JOSD2: variants seen among roughly 807,000 people sequenced by gnomAD.
The protein encoded by JOSD2 is Josephin domain containing 2.
Under a neutral mutation model 19.3 loss-of-function variants are expected in JOSD2, and 20 were observed. The observed-to-expected ratio is 1.04, with a 90% CI of 0.73 to 1.51. The LOEUF is 1.51. JOSD2 is among the 40% of genes most tolerant of loss of function. The pLI is 0.00. For missense variants in JOSD2, 215 were observed against 250.4 expected, an observed-to-expected ratio of 0.86 and a Z score of 0.95; for synonymous variants, 118 against 123.7, an observed-to-expected ratio of 0.95 and a Z score of 0.31.
At chr19:50,506,945 GCCTC>G (rs1354919568) in intron 3 of JOSD2, among the ~76,000 whole-genome samples, 1 of 150,514 alleles carries the variant, frequency 6.6e-6, no homozygotes, top group East Asian at 1.9e-4. Flanking sequence ...ACCCCACTGA[GCCTC>G]CCAGCCACCA....
rs751528072 is a variant in JOSD2 at position 50,507,576 on chromosome 19, C to T, written c.270G>A (p.Arg90=). 1.2e-6 allele frequency: 2 copies of T among 1,604,134 alleles called. No individual in the cohort carries two copies. Among genetic ancestry groups the T allele is most frequent in the Admixed American group, 3.3e-5 (2 of 59,908 alleles). The part of the protein sequence containing the change: ...LGLAAVWWDR[R]RPLSQLALPQ... ...TGCTGTGCTGCTCTGGGGCCTACCTCCTCCTGTCCCACCACACGGCGGCCA... is the reference window on the plus strand; with the variant it reads ...TGCTGTGCTGCTCTGGGGCCTACCTTCTCCTGTCCCACCACACGGCGGCCA... The change falls in exon 3 of 5, where the codon AGG becomes AGA. Residue 90 remains arginine, a splice_region_variant and synonymous_variant. Transcript: ENST00000598418.
At position 50,506,105 on chromosome 19, in the gene JOSD2, C is replaced by T. The variant is rs1456333456; in HGVS notation, c.*68G>A. 2.7e-6 allele frequency: 4 copies of T among 1,484,296 alleles called. No individual in the cohort carries two copies. The African/African-American group carries it at 5.5e-5, about 20-fold the overall frequency. 91.9% of individuals were successfully genotyped at this position (1,484,296 alleles called of 1,614,324 possible). On this transcript the variant is annotated 3_prime_UTR_variant, in exon 5 of 5. Transcript: ENST00000598418. ...CCATGAAGTGCTGGCCTTTCCCAGGCATGCAGTGTGCGCAGCCGGAGGGGG... is the reference window on the plus strand; with the variant it reads ...CCATGAAGTGCTGGCCTTTCCCAGGTATGCAGTGTGCGCAGCCGGAGGGGG...
In JOSD2 at chr19:50,506,410, C is replaced by T. The variant is rs763903436; in HGVS notation, c.435G>A (p.Ala145=). The T allele has an allele frequency of 1.6e-5, 26 of 1,605,446 alleles. No homozygotes were observed. Among genetic ancestry groups the T allele is most frequent in the African/African-American group, 1.5e-4 (11 of 74,790 alleles). Residue 145 remains alanine, a synonymous_variant, in exon 4 of 5, where the codon GCG becomes GCA. Transcript: ENST00000598418. ...VYYNLDSKLR[A]PEALGDEDGV... Reference sequence around the variant, plus strand: ...CGTCCTCATCCCCCAGGGCCTCGGGCGCCCGCAGCTTGGAGTCCAGGTTGT... The same window carrying T: ...CGTCCTCATCCCCCAGGGCCTCGGGTGCCCGCAGCTTGGAGTCCAGGTTGT...
intron 2 of JOSD2, among the ~76,000 whole-genome samples, chr19:50,508,771 G>A (rs1273854876): frequency 1.3e-5 from 2 of 151,832 alleles, no homozygotes; most frequent in African/African-American, 2.4e-5. Context: ...TGGCACTTGT[G>A]TCTGAGTCAT....
At chr19:50,507,195 C>T (rs1979421164) in intron 3 of JOSD2, among the ~76,000 whole-genome samples, 1 of 147,764 alleles carries the variant, frequency 6.8e-6, no homozygotes, top group African/African-American at 2.5e-5. Context: ...TCACTCTTGA[C>T]CCCCCTGCCA....
chr19:50,509,647 G>C (rs1979613971), intron 2 of JOSD2, among the ~76,000 whole-genome samples: 1 of 152,112 alleles, frequency 6.6e-6, no homozygotes, highest in Non-Finnish European at 1.5e-5. Context: ...ACAGGGCCCA[G>C]ATAAGAGATG....
chr19:50,506,363 C>T lies in JOSD2; in HGVS notation c.467+15G>A, dbSNP rs993074592. On this transcript the variant is annotated intron_variant, in intron 4 of 4. Coordinates refer to ENST00000598418, the MANE Select transcript of JOSD2 (RefSeq NM_001270639.2). ...TTCAGGCCCCTGGTCTTGGAATCGC[C>T]TCTGTGGGGCTCACCTGACTCCGTC... is the stretch of plus-strand genomic sequence containing the variant. The T allele has an allele frequency of 6.2e-7, 1 of 1,604,456 alleles. No homozygotes were observed.
At chr19:50,506,796 ACCGT>A (rs1979385434) in intron 3 of JOSD2, among the ~76,000 whole-genome samples, 1 of 19,996 alleles carries the variant, frequency 5.0e-5, no homozygotes, top group Non-Finnish European at 1.1e-4. Context: ...CCACCCACCC[ACCGT>A]CCACCCACCC....
At chr19:50,509,102 G>C (rs1289304495) in intron 2 of JOSD2, among the ~76,000 whole-genome samples, 1 of 93,190 alleles carries the variant, frequency 1.1e-5, no homozygotes, top group African/African-American at 6.3e-5. Context: ...GTAAAGGAGT[G>C]ATTTTTTTTT....
intron 2 of JOSD2, among the ~76,000 whole-genome samples, chr19:50,509,385 G>A (rs771147392): frequency 3.9e-5 from 6 of 152,056 alleles, no homozygotes; most frequent in South Asian, 4.1e-4. Flanking sequence ...GAGCCACTGC[G>A]CCCGGCCAAA....
chr19:50,510,064 A>AAAAAAAAG, intron 2 of JOSD2: 7 of 464,218 alleles, frequency 1.5e-5, no homozygotes, highest in South Asian at 2.5e-5. Context: ...AAAAAAAAAA[A>AAAAAAAAG]AAAGAAAGAA....
intron 2 of JOSD2, among the ~76,000 whole-genome samples, chr19:50,508,532 G>GCACACCGCCTC (rs1483442036): frequency 2.0e-5 from 3 of 151,370 alleles, no homozygotes; most frequent in African/African-American, 7.3e-5. Context: ...CATCCCCGGT[G>GCACACCGCCTC]CCCACCGCCT....
chr19:50,507,759 TGGG>T (rs1261641383), intron 2 of JOSD2, 60 bp from the exon 3 acceptor site: 2 of 1,565,336 alleles, frequency 1.3e-6, no homozygotes, highest in East Asian at 2.2e-5. Context: ...CCCCACAAAA[TGGG>T]GGTCCCAGGG....
Position 50,506,675 on chromosome 19 carries a change from T to C in JOSD2, c.273-103A>G, listed in dbSNP as rs975519981. On this transcript the variant is annotated intron_variant, in intron 3 of 4. Transcript: ENST00000598418. Reference sequence around the variant, plus strand: ...CAGGCTGGTGGTGGTGAGGGCCTCCTGAGCCCACCCAGAGGTGTTCCTTAA... The same window carrying C: ...CAGGCTGGTGGTGGTGAGGGCCTCCCGAGCCCACCCAGAGGTGTTCCTTAA... 11 of 1,058,016 alleles carry C rather than the reference T, an allele frequency of 1.0e-5. No homozygotes were observed. In the African/African-American group the frequency reaches 1.8e-4, roughly 17 times the overall value. The allele number at this position is 1,058,016 out of a possible 1,614,324, so 65.5% of individuals were successfully genotyped here. A position where few individuals can be genotyped will look rare whatever the true frequency, so the allele number is the denominator to read the frequency against.
rs1380976939 is a variant in JOSD2, at chr19:50,511,105, A to T, written c.-18+12T>A. On this transcript the variant is annotated intron_variant, in intron 1 of 4. Coordinates refer to ENST00000598418, the MANE Select transcript of JOSD2 (RefSeq NM_001270639.2). ...CCACGGCGCTCGCCCTTTGCCTGGC[A>T]ACGCCCCTCACCCCGCCTGCCTCTC... The T allele has an allele frequency of 2.2e-6, 1 of 452,464 alleles. No individual in the cohort carries two copies. Among genetic ancestry groups the T allele is most frequent in the Non-Finnish European group, 4.4e-6 (1 of 225,196 alleles). The allele number at this position is 452,464 out of a possible 1,614,324, so 28.0% of individuals were successfully genotyped here.
chr19:50,510,734 C>G lies in JOSD2; in HGVS notation c.-17-286G>C, dbSNP rs1274623. Among the ~76,000 whole-genome samples, 955 of 152,250 alleles carry G rather than the reference C, an allele frequency of 6.3e-3. 10 individuals are homozygous for G. The highest frequency in any genetic ancestry group is 0.022 in the African/African-American group (893 of 41,532). ...GGTCCCTATCATGGTCACCTAGCAA[C>G]AGAGGAACCTGCCTCCCCGTCCCTA... On this transcript the variant is annotated intron_variant, in intron 1 of 4. Transcript: ENST00000598418.
At position 50,506,456 on chromosome 19, in the gene JOSD2, C is replaced by T. The variant is rs1289620631; in HGVS notation, c.389G>A (p.Arg130His). Residue 130 changes from arginine to histidine, a missense_variant, in exon 4 of 5, where the codon CGC becomes CAC. Arg to His is a conservative substitution (Grantham distance 29, BLOSUM62 0). Transcript: ENST00000598418. ...GTTGTAGTAGACACCGTCCACCTGGCGCAGGGCCACCCAGTGCCGCCGGCG... is the reference window on the plus strand; with the variant it reads ...GTTGTAGTAGACACCGTCCACCTGGTGCAGGGCCACCCAGTGCCGCCGGCG... The part of the protein sequence containing the change: ...PLRRRHWVAL[R>H]QVDGVYYNLD... 1.9e-6 allele frequency: 3 copies of T among 1,590,292 alleles called. No homozygotes were observed. Among genetic ancestry groups the T allele is most frequent in the Non-Finnish European group, 2.6e-6 (3 of 1,169,724 alleles).
intron 3 of JOSD2, among the ~76,000 whole-genome samples, chr19:50,506,818 G>A (rs948568469): frequency 8.4e-5 from 2 of 23,842 alleles, no homozygotes; most frequent in Non-Finnish European, 8.5e-5. Context: ...CCCACCCACC[G>A]TCCACCCAAC....
Position 50,506,135 on chromosome 19 carries a change from G to A in JOSD2, c.*38C>T, listed in dbSNP as rs747138890. 45 of 1,591,470 alleles carry A rather than the reference G, an allele frequency of 2.8e-5. No individual in the cohort carries two copies. The highest frequency in any genetic ancestry group is 6.7e-5 in the East Asian group (3 of 44,818). On this transcript the variant is annotated 3_prime_UTR_variant, in exon 5 of 5. Coordinates refer to ENST00000598418, the MANE Select transcript of JOSD2 (RefSeq NM_001270639.2). ...AGTGTGCGCAGCCGGAGGGGGATGC[G>A]CAGGGACTGCGCTGTGGGCGCCGAT...
Sources: allele counts gnomAD v4.1 joint callset (sites outside exome capture counted in the v4.1 genomes callset), GRCh38; gene constraint gnomAD v4.1.1; transcripts MANE v1.5; gene names NCBI Gene and HGNC (gene_info 2026-07-23, HGNC 2026-07-21).